The following ABCA3 variants were observed in gnomAD, a reference collection of about 807,000 sequenced individuals.
ABCA3 encodes the protein phospholipid-transporting ATPase ABCA3.
In ABCA3, 88 loss-of-function variants were observed where a neutral mutation model predicts 172.8. The observed-to-expected ratio is 0.51, with a 90% CI of 0.43 to 0.61. The LOEUF is 0.61. ABCA3 is among the 20% of genes least tolerant of loss of function. The pLI, the probability that ABCA3 is intolerant of heterozygous loss-of-function variation, is 0.00. For missense variants in ABCA3, 2,164 were observed against 2,301.0 expected (o/e 0.94, Z 1.22); for synonymous variants, 1,066 against 983.8 (o/e 1.08, Z -1.56).
At chr16:2,289,697 C>T (rs1428779938) in intron 19 of ABCA3, 77 bp from the exon 20 acceptor site, 5 of 1,477,324 alleles carry the variant, frequency 3.4e-6, no homozygotes, top group Non-Finnish European at 4.6e-6. Context: ...GTTAGAGGCA[C>T]TGAGGGGAGC....
chr16:2,287,976 T>G lies in ABCA3; in HGVS notation c.3004+50A>C. On this transcript the variant is annotated intron_variant, in intron 21 of 32. Coordinates refer to ENST00000301732, the MANE Select transcript of ABCA3 (RefSeq NM_001089.3). The surrounding 1 kb of genome is among the most constrained non-coding windows in gnomAD (Gnocchi z 4.1). ...TGCAGTCAGGAAGGCGAACTCTGGC[T>G]GCAGGACTGGCCCCCGATGCCCCCG... 6.3e-7 allele frequency: 1 copy of G among 1,592,414 alleles called. No homozygotes were observed. Among genetic ancestry groups the G allele is most frequent in the South Asian group, 1.1e-5 (1 of 90,734 alleles).
At chr16:2,334,869 C>T (rs1323353951) in intron 1 of ABCA3, among the ~76,000 whole-genome samples, 3 of 149,622 alleles carry the variant, frequency 2.0e-5, no homozygotes, top group Non-Finnish European at 4.4e-5. Context: ...ACTCTTGTTG[C>T]CCAGGCTGGA....
At chr16:2,292,458 C>A (rs576909466) in intron 18 of ABCA3, among the ~76,000 whole-genome samples, 2 of 151,800 alleles carry the variant, frequency 1.3e-5, no homozygotes, top group East Asian at 2.0e-4. Flanking sequence ...AAATTAGCCA[C>A]GTGTGGTAGC....
intron 1 of ABCA3, among the ~76,000 whole-genome samples, chr16:2,338,677 G>T (rs1001692764): frequency 2.6e-4 from 40 of 151,182 alleles, no homozygotes; most frequent in Admixed American, 1.1e-3. Flanking sequence ...TTATGTCACA[G>T]TTACTTGTGA....
intron 1 of ABCA3, among the ~76,000 whole-genome samples, chr16:2,337,818 C>A (rs1179374662): frequency 6.6e-6 from 1 of 152,196 alleles, no homozygotes; most frequent in Non-Finnish European, 1.5e-5. Context: ...CTGATGGAGC[C>A]CTAGCTTGCT....
rs974265057 is a variant in ABCA3, at chr16:2,287,033, G to A, written c.3005-66C>T. The A allele has an allele frequency of 4.5e-6, 7 of 1,554,650 alleles. No individual in the cohort carries two copies. The highest frequency in any genetic ancestry group is 1.4e-5 in the African/African-American group (1 of 73,724). ...GACACCTGGGCACCCCCTGCCACCT[G>A]AGCATGGCTAATCAGGGACCCAATA... On this transcript the variant is annotated intron_variant, in intron 21 of 32. Coordinates refer to ENST00000301732, the MANE Select transcript of ABCA3 (RefSeq NM_001089.3). This position sits in a 1 kb window ranked among gnomAD's most constrained non-coding sequence, Gnocchi z 4.1.
Position 2,292,235 on chromosome 16 carries a change from A to G in ABCA3, c.2418T>C (p.Phe806=). The change falls in exon 19 of 33, where the codon TTT becomes TTC. Residue 806 remains phenylalanine (F), a synonymous_variant. Transcript: ENST00000301732. ...FILPRESTHR[F]EGLFAKLEKK... is the part of the protein sequence containing the mutation. The stretch of plus-strand genomic sequence containing the variant: ...TCTCCAGTTTAGCAAAGAGACCTTC[A>G]AACCTGAAAAACAGACCCAGCATTA... 6.2e-7 allele frequency: 1 copy of G among 1,612,882 alleles called. No homozygotes were observed.
At position 2,283,590 on chromosome 16, in the gene ABCA3, A is replaced by T; in HGVS notation, c.3863-232T>A. The T allele has an allele frequency of 3.7e-6, 2 of 539,840 alleles. No homozygotes were observed. The highest frequency in any genetic ancestry group is 6.3e-5 in the Admixed American group (2 of 31,568). The allele number at this position is 539,840 out of a possible 1,614,324, so 33.4% of individuals were successfully genotyped here. ...GTCCCATGAGCGACATGGCAGACCC[A>T]GGGCAGCAACAGCCCGCCTGAGAGG... is the stretch of plus-strand genomic sequence containing the variant. On this transcript the variant is annotated intron_variant, in intron 25 of 32. Transcript: ENST00000301732. This position sits in a 1 kb window ranked among gnomAD's most constrained non-coding sequence, Gnocchi z 5.4.
In ABCA3 at chr16:2,281,744, TGCGG is replaced by T. The variant is rs2093655547; in HGVS notation, c.4036-239_4036-236del. Among the ~76,000 whole-genome samples, 1 of 151,758 alleles carries T rather than the reference TGCGG, an allele frequency of 6.6e-6. No homozygotes were observed. The highest frequency in any genetic ancestry group is 6.6e-5 in the Admixed American group (1 of 15,220). Reference sequence around the variant, plus strand: ...TAAACTATCTGAGGAAAAAGAACTGTGCGGGACTCATGGAGAAAAATCATAAATC... The same window carrying T: ...TAAACTATCTGAGGAAAAAGAACTGTGACTCATGGAGAAAAATCATAAATC... On this transcript the variant is annotated intron_variant, in intron 26 of 32. Coordinates refer to ENST00000301732, the MANE Select transcript of ABCA3 (RefSeq NM_001089.3). The surrounding 1 kb of genome is among the most constrained non-coding windows in gnomAD (Gnocchi z 4.7).
At chr16:2,302,479 C>T (rs1307625093) in intron 12 of ABCA3, among the ~76,000 whole-genome samples, 1 of 150,722 alleles carries the variant, frequency 6.6e-6, no homozygotes, top group Non-Finnish European at 1.5e-5. Context: ...GCATTTTTTA[C>T]AATATGATTC....
chr16:2,310,179 G>A (rs2093704337), intron 10 of ABCA3, among the ~76,000 whole-genome samples: 3 of 152,126 alleles, frequency 2.0e-5, no homozygotes, highest in Non-Finnish European at 2.9e-5. Flanking sequence ...GCTGAGGTGG[G>A]CAGATCACAA....
At position 2,285,496 on chromosome 16, in the gene ABCA3, G is replaced by C; in HGVS notation, c.3429C>G (p.Leu1143=). The change falls in exon 23 of 33, where the codon CTC becomes CTG. Residue 1143 remains leucine, a synonymous_variant. Transcript: ENST00000301732. This position sits in a 1 kb window ranked among gnomAD's most constrained non-coding sequence, Gnocchi z 4.7. The part of the protein sequence containing the change: ...VSGVHVASFW[L]SALLWDLISF... ...AGATGAGGTCCCACAGCAGAGCAGA[G>C]AGCCAGAAACTGGCCACGTGGACTC... 4 of 1,611,724 alleles carry C rather than the reference G, an allele frequency of 2.5e-6. No individual in the cohort carries two copies. Among genetic ancestry groups the C allele is most frequent in the Non-Finnish European group, 3.4e-6 (4 of 1,178,998 alleles).
chr16:2,311,420 C>A (rs2093706535), intron 10 of ABCA3, among the ~76,000 whole-genome samples: 1 of 152,216 alleles, frequency 6.6e-6, no homozygotes, highest in South Asian at 2.1e-4. Context: ...GCAAGCGCCA[C>A]TGAACAAGCA....
chr16:2,326,603 G>A, intron 3 of ABCA3, 111 bp from the exon 4 acceptor site: 1 of 1,221,980 alleles, frequency 8.2e-7, no homozygotes, highest in South Asian at 1.3e-5. Context: ...ACCTTCTTTT[G>A]TGCCACTTTA....
Position 2,300,000 on chromosome 16 carries a change from GGCACCT to G in ABCA3, c.1610_1611+4del. 2 of 1,612,696 alleles carry G rather than the reference GGCACCT, an allele frequency of 1.2e-6. No homozygotes were observed. Among genetic ancestry groups the G allele is most frequent in the Non-Finnish European group, 1.7e-6 (2 of 1,179,968 alleles). On this transcript the variant is annotated splice_donor_variant and splice_donor_region_variant and coding_sequence_variant and intron_variant, in exon 13 of 33. Coordinates refer to ENST00000301732, the MANE Select transcript of ABCA3 (RefSeq NM_001089.3). LOFTEE classifies it high-confidence loss of function. ...GGCCCTCCCTGTCCCCACAGGAGGC[GGCACCT>G]TGGACAGGTGCTTGATCTTGATCCC...
Position 2,283,108 on chromosome 16 carries a change from C to A in ABCA3, c.4035+78G>T. 6.8e-7 allele frequency: 1 copy of A among 1,471,180 alleles called. No homozygotes were observed. The highest frequency in any genetic ancestry group is 1.2e-5 in the South Asian group (1 of 83,236). The allele number at this position is 1,471,180 out of a possible 1,614,324, so 91.1% of individuals were successfully genotyped here. ...CTGCCTGGTGGAGAAGGAGGTGGAGCTGCCCCAGGTTGTGCTGGGCCCAAG... is the reference window on the plus strand; with the variant it reads ...CTGCCTGGTGGAGAAGGAGGTGGAGATGCCCCAGGTTGTGCTGGGCCCAAG... On this transcript the variant is annotated intron_variant, in intron 26 of 32. Coordinates refer to ENST00000301732, the MANE Select transcript of ABCA3 (RefSeq NM_001089.3). The surrounding 1 kb of genome is among the most constrained non-coding windows in gnomAD (Gnocchi z 5.4).
In ABCA3 at chr16:2,276,167, A is replaced by T; in HGVS notation, c.*507T>A. 2.6e-6 allele frequency: 1 copy of T among 378,958 alleles called. No homozygotes were observed. Among genetic ancestry groups the T allele is most frequent in the South Asian group, 1.9e-5 (1 of 52,220 alleles). The allele number at this position is 378,958 out of a possible 1,614,324, so 23.5% of individuals were successfully genotyped here. A position where few individuals can be genotyped will look rare whatever the true frequency, so the allele number is the denominator to read the frequency against. ...CTGCGCTGGACGCTAAGACCCCAGCACCTAATCACAGTCAGCAGCTTCCCT... is the reference window on the plus strand; with the variant it reads ...CTGCGCTGGACGCTAAGACCCCAGCTCCTAATCACAGTCAGCAGCTTCCCT... On this transcript the variant is annotated 3_prime_UTR_variant, in exon 33 of 33. Transcript: ENST00000301732.
chr16:2,277,514 G>T lies in ABCA3; in HGVS notation c.4983+83C>A. On this transcript the variant is annotated intron_variant, in intron 32 of 32. Transcript: ENST00000301732. This position sits in a 1 kb window ranked among gnomAD's most constrained non-coding sequence, Gnocchi z 5.3. ...AGTGACTCCTCTGTGGAAAGAGCCT[G>T]CAGTCACCACAGAGGGAGAGACCCC... The T allele has an allele frequency of 1.4e-6, 2 of 1,404,548 alleles. No individual in the cohort carries two copies. The highest frequency in any genetic ancestry group is 2.0e-6 in the Non-Finnish European group (2 of 1,002,218). The allele number at this position is 1,404,548 out of a possible 1,614,324, so 87.0% of individuals were successfully genotyped here. A position where few individuals can be genotyped will look rare whatever the true frequency, so the allele number is the denominator to read the frequency against.
At chr16:2,291,694 A>G (rs2093672334) in intron 19 of ABCA3, among the ~76,000 whole-genome samples, 1 of 152,202 alleles carries the variant, frequency 6.6e-6, no homozygotes, top group African/African-American at 2.4e-5. Flanking sequence ...GACGGCGGCC[A>G]CTGCCCGCCC....
Sources: gnomAD v4.1 joint callset for allele counts (sites outside exome capture counted in the v4.1 genomes callset) on GRCh38, gnomAD v4.1.1 for gene constraint, Gnocchi (gnomAD v3.1) non-coding constraint, MANE v1.5 for transcripts, NCBI Gene and HGNC (gene_info 2026-07-23, HGNC 2026-07-21) for gene names.